PRH1: variants seen among roughly 807,000 people sequenced by gnomAD.
The protein encoded by PRH1 is salivary acidic proline-rich phosphoprotein 1/2.
PRH1 carries 7 observed loss-of-function variants against 7.9 expected under a neutral mutation model. The observed-to-expected ratio is 0.89, with a 90% CI of 0.50 to 1.67. PRH1 has a LOEUF of 1.67. PRH1 is among the 40% of genes most tolerant of loss of function. The pLI, the probability that PRH1 is intolerant of heterozygous loss-of-function variation, is 0.00. For missense variants in PRH1, 109 were observed against 223.6 expected (o/e 0.49, Z 3.27); for synonymous variants, 45 against 80.8 (o/e 0.56, Z 2.38).
downstream of PRH1, among the ~76,000 whole-genome samples, chr12:11,119,195 A>G (rs926801218): frequency 6.6e-5 from 10 of 152,152 alleles, no homozygotes; most frequent in African/African-American, 2.4e-4. Context: ...TTTCTCACTC[A>G]TCTGTGGTAT....
In PRH1 at chr12:11,151,966, T is replaced by A. The variant is rs1325651672; in HGVS notation, n.39+19456A>T. On this transcript the variant is annotated intron_variant and non_coding_transcript_variant, in intron 1 of 1. Transcript: ENST00000541175. ...TTTTTTTTTCATGATGGTAGCCAGATCTAAAATTTTATAATATAGCAATAA... is the reference window on the plus strand; with the variant it reads ...TTTTTTTTTCATGATGGTAGCCAGAACTAAAATTTTATAATATAGCAATAA... Among the ~76,000 whole-genome samples the A allele has an allele frequency of 2.0e-5, 3 of 152,022 alleles. No homozygotes were observed. In the East Asian group the frequency reaches 5.8e-4, roughly 29 times the overall value.
At chr12:11,002,134 A>C (rs1940622729) in intron 1 of PRH1, among the ~76,000 whole-genome samples, 1 of 152,232 alleles carries the variant, frequency 6.6e-6, no homozygotes, top group African/African-American at 2.4e-5. Context: ...CTTTCCCATA[A>C]TAATAATCTT....
chr12:11,067,957 T>C (rs1943898247), intron 1 of PRH1, among the ~76,000 whole-genome samples: 1 of 152,206 alleles, frequency 6.6e-6, no homozygotes, highest in Admixed American at 6.5e-5. Flanking sequence ...ATAACAATGG[T>C]ATCTATAAGA....
rs769320967 is a variant in PRH1 at position 10,939,011 on chromosome 12, C to A, written c.-59+34644G>T. 3.8e-5 allele frequency: 62 copies of A among 1,613,352 alleles called. No homozygotes were observed. Among genetic ancestry groups the A allele is most frequent in the Non-Finnish European group, 5.1e-5 (60 of 1,179,830 alleles). On this transcript the variant is annotated intron_variant, in intron 2 of 3. Coordinates refer to the PRH1 transcript ENST00000539853. Reference sequence around the variant, plus strand: ...AGCTGGGAAAAACACAGACACACACCAGCTTCCGAATATTAACCAAACCAG... The same window carrying A: ...AGCTGGGAAAAACACAGACACACACAAGCTTCCGAATATTAACCAAACCAG...
At chr12:11,035,053 G>A (rs370796557) in intron 1 of PRH1, among the ~76,000 whole-genome samples, 7 of 151,858 alleles carry the variant, frequency 4.6e-5, no homozygotes, top group East Asian at 3.9e-4. Context: ...TCAGCTTGTC[G>A]TTTAGACAGT....
At chr12:10,954,796 C>G (rs114485436) in intron 2 of PRH1, among the ~76,000 whole-genome samples, 3,017 of 152,092 alleles carry the variant, frequency 0.02, 34 homozygotes, top group African/African-American at 0.031. Context: ...TACTTTCATA[C>G]AAAACTGTCT....
Position 11,061,373 on chromosome 12 carries a change from A to G in PRH1, n.124-14185T>C, listed in dbSNP as rs1943592831. Reference sequence around the variant, plus strand: ...ATGCTGCTCTTGTGAATCTATGAAGATGAAGGCTTCTCTCCTTTCACCCAG... The same window carrying G: ...ATGCTGCTCTTGTGAATCTATGAAGGTGAAGGCTTCTCTCCTTTCACCCAG... On this transcript the variant is annotated intron_variant and non_coding_transcript_variant, in intron 1 of 4. Transcript: ENST00000541977. 6.2e-7 allele frequency: 1 copy of G among 1,612,430 alleles called. No individual in the cohort carries two copies. Among genetic ancestry groups the G allele is most frequent in the African/African-American group, 1.3e-5 (1 of 74,826 alleles).
intron 1 of PRH1, among the ~76,000 whole-genome samples, chr12:11,154,639 G>A (rs1947199929): frequency 6.6e-6 from 1 of 152,202 alleles, no homozygotes; most frequent in African/African-American, 2.4e-5. Flanking sequence ...ATCTCTTGGA[G>A]CTGCCTTCAA....
rs1944746569 is a variant in PRH1, at chr12:11,087,495, G to A, written n.124-40307C>T. On this transcript the variant is annotated intron_variant and non_coding_transcript_variant, in intron 1 of 4. Coordinates refer to the PRH1 transcript ENST00000541977. ...TTGTAGTTATTACCTCTTCCTGAAAGTGTAACTGAAATGGATATGCATGGC... is the reference window on the plus strand; with the variant it reads ...TTGTAGTTATTACCTCTTCCTGAAAATGTAACTGAAATGGATATGCATGGC... Among the ~76,000 whole-genome samples, 2 of 116,678 alleles carry A rather than the reference G, an allele frequency of 1.7e-5. 1 individual carries two copies. The highest frequency in any genetic ancestry group is 4.7e-4 in the South Asian group (2 of 4,272). The allele number at this position is 116,678 out of a possible 152,430, so 76.5% of individuals were successfully genotyped here. A position where few individuals can be genotyped will look rare whatever the true frequency, so the allele number is the denominator to read the frequency against.
At chr12:11,062,938 C>T (rs573447839) in intron 1 of PRH1, among the ~76,000 whole-genome samples, 72 of 152,206 alleles carry the variant, frequency 4.7e-4, no homozygotes, top group Admixed American at 1.5e-3. Context: ...CATAAATACA[C>T]ACACAAACAC....
At chr12:11,063,035 G>T (rs2136186162) in intron 1 of PRH1, among the ~76,000 whole-genome samples, 1 of 152,074 alleles carries the variant, frequency 6.6e-6, no homozygotes, top group South Asian at 2.1e-4. Context: ...AGGTTGTCTA[G>T]GTGAAGTTAG....
At chr12:11,116,252 T>C (rs557637537), downstream of PRH1, among the ~76,000 whole-genome samples, 5 of 152,086 alleles carry the variant, frequency 3.3e-5, no homozygotes, top group South Asian at 8.3e-4. Flanking sequence ...GTGACTACTA[T>C]GAGCAACTAT....
At chr12:11,008,238 T>A (rs1940914327) in intron 1 of PRH1, among the ~76,000 whole-genome samples, 1 of 152,028 alleles carries the variant, frequency 6.6e-6, no homozygotes, top group South Asian at 2.1e-4. Context: ...AGAATGCATA[T>A]AAGTAGTTTC....
At chr12:10,983,018 A>G (rs1302766216) in intron 1 of PRH1, among the ~76,000 whole-genome samples, 1 of 152,212 alleles carries the variant, frequency 6.6e-6, no homozygotes, top group Non-Finnish European at 1.5e-5. Flanking sequence ...ACCCGAAACA[A>G]AAACGGGCTC....
chr12:11,054,736 A>T (rs984430402), intron 1 of PRH1, among the ~76,000 whole-genome samples: 13 of 152,134 alleles, frequency 8.5e-5, no homozygotes, highest in African/African-American at 2.9e-4. Flanking sequence ...TAAATAATGA[A>T]ATTGGAAATA....
intron 1 of PRH1, chr12:10,996,976 C>A: frequency 1.2e-6 from 2 of 1,613,134 alleles, no homozygotes; most frequent in Non-Finnish European, 1.7e-6. Context: ...GTCCTTTTGC[C>A]CAGCAAGTCA....
chr12:10,923,118 G>A (rs1403413493), intron 2 of PRH1, among the ~76,000 whole-genome samples: 10 of 132,940 alleles, frequency 7.5e-5, no homozygotes, highest in South Asian at 2.5e-4. Flanking sequence ...GTGAGCCACC[G>A]CGCCCGGCCC....
At chr12:11,032,459 C>T (rs542537498) in intron 1 of PRH1, among the ~76,000 whole-genome samples, 10 of 152,264 alleles carry the variant, frequency 6.6e-5, no homozygotes, top group Middle Eastern at 3.4e-3. Context: ...CTAACACTTT[C>T]GTATAACTTC....
intron 2 of PRH1, among the ~76,000 whole-genome samples, chr12:10,940,294 G>C (rs921617965): frequency 6.6e-6 from 1 of 152,008 alleles, no homozygotes; most frequent in Non-Finnish European, 1.5e-5. Context: ...AATAATTCAG[G>C]CTTTTTACTT....
Sources: gnomAD v4.1 joint callset for allele counts (sites outside exome capture counted in the v4.1 genomes callset) on GRCh38, gnomAD v4.1.1 for gene constraint, MANE v1.5 for transcripts, NCBI Gene and HGNC (gene_info 2026-07-23, HGNC 2026-07-21) for gene names.